PRMT8: variants seen among roughly 807,000 people sequenced by gnomAD.
PRMT8 encodes the protein protein arginine methyltransferase 8.
A neutral mutation model predicts 47.1 loss-of-function variants in PRMT8; 7 were observed. The observed-to-expected ratio is 0.15, with a 90% CI of 0.08 to 0.28. The LOEUF is 0.28. PRMT8 is among the 10% of genes least tolerant of loss of function. The pLI is 1.00. For missense variants in PRMT8, 237 were observed against 505.4 expected (o/e 0.47, Z 5.09); for synonymous variants, 188 against 186.5 (o/e 1.01, Z -0.07).
intron 1 of PRMT8, among the ~76,000 whole-genome samples, chr12:3,533,119 A>G (rs534348125): frequency 2.0e-5 from 3 of 152,312 alleles, no homozygotes; most frequent in African/African-American, 7.2e-5. Flanking sequence ...ATTCTATAAA[A>G]CAGGGGGTTC....
At position 3,593,195 on chromosome 12, in the gene PRMT8, G is replaced by T; in HGVS notation, c.*13G>T. 1 of 1,606,514 alleles carries T rather than the reference G, an allele frequency of 6.2e-7. No homozygotes were observed. Among genetic ancestry groups the T allele is most frequent in the Non-Finnish European group, 8.5e-7 (1 of 1,174,022 alleles). ...CAAAATGCGTTAGCACACGTGGGAA[G>T]CTGCAGAGAGCAACGAGAAAAGGAA... On this transcript the variant is annotated 3_prime_UTR_variant, in exon 10 of 10. Coordinates refer to ENST00000382622, the MANE Select transcript of PRMT8 (RefSeq NM_019854.5). The surrounding 1 kb of genome is among the most constrained non-coding windows in gnomAD (Gnocchi z 4.8).
At chr12:3,574,852 T>C (rs979468550) in intron 6 of PRMT8, among the ~76,000 whole-genome samples, 1 of 152,228 alleles carries the variant, frequency 6.6e-6, no homozygotes, top group African/African-American at 2.4e-5. Flanking sequence ...AGCAGTGAAC[T>C]CAAACTCCCG....
intron 8 of PRMT8, among the ~76,000 whole-genome samples, chr12:3,585,887 T>G (rs1867162131): frequency 6.6e-6 from 1 of 152,040 alleles, no homozygotes; most frequent in South Asian, 2.1e-4. Flanking sequence ...GTAGGGGTAG[T>G]GAGGGAGCTG....
intron 1 of PRMT8, chr12:3,469,220 C>A: frequency 4.3e-6 from 2 of 462,446 alleles, no homozygotes; most frequent in Non-Finnish European, 8.5e-6. Flanking sequence ...TCTAGTGAAG[C>A]CAGCAAGGAC....
intron 1 of PRMT8, among the ~76,000 whole-genome samples, chr12:3,420,029 GAC>G (rs1203972074): frequency 2.9e-4 from 9 of 31,354 alleles, no homozygotes; most frequent in East Asian, 1.1e-3. Context: ...GAGAGAGAGA[GAC>G]AGACAGAGAG....
chr12:3,534,215 C>T (rs900492147), intron 1 of PRMT8, among the ~76,000 whole-genome samples: 40 of 152,380 alleles, frequency 2.6e-4, no homozygotes, highest in African/African-American at 9.1e-4. Context: ...TTAGAAAAAG[C>T]TCTCTTGACA....
intron 7 of PRMT8, among the ~76,000 whole-genome samples, chr12:3,578,691 G>T (rs571281461): frequency 5.3e-5 from 8 of 152,320 alleles, no homozygotes; most frequent in South Asian, 2.1e-4. Context: ...GGCCACTAAG[G>T]ACGGGGGTGG....
At chr12:3,563,400 G>T (rs1411432286) in intron 4 of PRMT8, among the ~76,000 whole-genome samples, 2 of 151,910 alleles carry the variant, frequency 1.3e-5, no homozygotes, top group Non-Finnish European at 2.9e-5. Context: ...GTACTATATT[G>T]TGGAAGCGAC....
chr12:3,568,896 C>G (rs752339461), intron 5 of PRMT8, 48 bp downstream of exon 5: 5 of 1,609,620 alleles, frequency 3.1e-6, no homozygotes, highest in Non-Finnish European at 4.2e-6. Flanking sequence ...GGCTGTCCTG[C>G]TCCTCTACCC....
chr12:3,549,608 C>T (rs557393887), intron 2 of PRMT8, among the ~76,000 whole-genome samples: 30 of 152,180 alleles, frequency 2.0e-4, no homozygotes, highest in East Asian at 1.7e-3. Context: ...AGTTCTGCTT[C>T]GTGTTTAACT....
At chr12:3,588,930 A>C (rs1379091455) in intron 8 of PRMT8, among the ~76,000 whole-genome samples, 1 of 152,226 alleles carries the variant, frequency 6.6e-6, no homozygotes, top group Non-Finnish European at 1.5e-5. Flanking sequence ...GGAGAACTCT[A>C]GATGTTGTCC....
chr12:3,554,717 G>A (rs1391499691), intron 4 of PRMT8, among the ~76,000 whole-genome samples: 1 of 152,214 alleles, frequency 6.6e-6, no homozygotes, highest in Non-Finnish European at 1.5e-5. Flanking sequence ...TCTGATTTCA[G>A]TGTCCCTCCT....
intron 1 of PRMT8, among the ~76,000 whole-genome samples, chr12:3,427,802 T>C (rs576580325): frequency 6.6e-6 from 1 of 152,186 alleles, no homozygotes; most frequent in South Asian, 2.1e-4. Flanking sequence ...ACCATATAAC[T>C]TTTTTTTACA....
intron 4 of PRMT8, 113 bp from the exon 5 acceptor site, chr12:3,568,592 TA>T: frequency 8.2e-7 from 1 of 1,225,944 alleles, no homozygotes; most frequent in Non-Finnish European, 1.2e-6. Flanking sequence ...CATCATATCC[TA>T]AAAGTAGAAT....
At chr12:3,454,764 G>A (rs915689900) in intron 1 of PRMT8, among the ~76,000 whole-genome samples, 5 of 152,254 alleles carry the variant, frequency 3.3e-5, no homozygotes, top group South Asian at 2.1e-4. Flanking sequence ...CTGCTTCCTC[G>A]TGTTGTTTGC....
chr12:3,437,008 T>C (rs1211489252), intron 1 of PRMT8, among the ~76,000 whole-genome samples: 1 of 152,208 alleles, frequency 6.6e-6, no homozygotes, highest in Non-Finnish European at 1.5e-5. Context: ...ATAAGGGTCC[T>C]CTTTTACCTT....
intron 1 of PRMT8, among the ~76,000 whole-genome samples, chr12:3,495,958 G>A (rs1346089691): frequency 1.3e-5 from 2 of 151,760 alleles, no homozygotes; most frequent in South Asian, 2.1e-4. Context: ...AGTAATTATC[G>A]ACTCTTACTA....
chr12:3,494,126 G>A lies in PRMT8; in HGVS notation c.75+2426G>A, dbSNP rs1412327771. 2.0e-5 allele frequency among the ~76,000 whole-genome samples: 3 copies of A among 152,180 alleles called. No homozygotes were observed. The East Asian group carries it at 5.8e-4, about 29-fold the overall frequency. On this transcript the variant is annotated intron_variant, in intron 1 of 9. Coordinates refer to ENST00000382622, the MANE Select transcript of PRMT8 (RefSeq NM_019854.5). ...AGCACGCCTCCACGTGTGTCAGTGGGTGGTGGGGAGCGTGGTAGTGGTCCT... is the reference window on the plus strand; with the variant it reads ...AGCACGCCTCCACGTGTGTCAGTGGATGGTGGGGAGCGTGGTAGTGGTCCT...
chr12:3,496,115 A>T (rs1865499993), intron 1 of PRMT8, among the ~76,000 whole-genome samples: 1 of 144,532 alleles, frequency 6.9e-6, no homozygotes, highest in African/African-American at 2.6e-5. Flanking sequence ...TATGGCGATG[A>T]CTCCCTGATT....
Sources: gnomAD v4.1 joint callset for allele counts (sites outside exome capture counted in the v4.1 genomes callset) on GRCh38, gnomAD v4.1.1 for gene constraint, Gnocchi (gnomAD v3.1) non-coding constraint, MANE v1.5 for transcripts, NCBI Gene and HGNC (gene_info 2026-07-23, HGNC 2026-07-21) for gene names.